Variants in IBA57 observed in about 807,000 individuals in gnomAD.
IBA57 encodes the protein iron-sulfur cluster assembly factor IBA57, mitochondrial.
IBA57 carries 20 observed loss-of-function variants against 20.4 expected under a neutral mutation model. That is an observed-to-expected ratio of 0.98 (90% CI 0.69 to 1.42). The LOEUF (loss-of-function observed/expected upper bound fraction) is 1.42, where lower values mean the gene tolerates loss of function less well. Ranked by LOEUF, IBA57 falls within the 40% of genes most tolerant of loss-of-function variation. IBA57 has a pLI of 0.00. For missense variants in IBA57, 608 were observed against 499.3 expected (o/e 1.22, Z -2.07); for synonymous variants, 310 against 233.9 (o/e 1.33, Z -2.97).
In IBA57 at chr1:228,174,194, T is replaced by TGC. The variant is rs1346588673; in HGVS notation, c.342-497_342-496insCG. Among the ~76,000 whole-genome samples, 60 of 48,128 alleles carry TGC rather than the reference T, an allele frequency of 1.2e-3. 1 individual carries two copies. The highest frequency in any genetic ancestry group is 2.3e-3 in the South Asian group (3 of 1,290). 31.6% of individuals were successfully genotyped at this position (48,128 alleles called of 152,430 possible). On this transcript the variant is annotated intron_variant, in intron 1 of 2. Coordinates refer to ENST00000366711, the MANE Select transcript of IBA57 (RefSeq NM_001010867.4). ...GTGGCTCGCTGTGGGCGTGGCTCGC[T>TGC]GTGGGCGTGGCTCGCTGTGGGCGTG...
At position 228,165,958 on chromosome 1, in the gene IBA57, T is replaced by A. The variant is rs2034843270; in HGVS notation, c.142T>A (p.Trp48Arg). ...PGGDPTAGAA[W>R]ACFRLDGRTL... ...TGGCGACCCAACGGCCGGAGCGGCC[T>A]GGGCCTGCTTCCGGCTGGACGGGCG... The change falls in exon 1 of 3, where the codon TGG (tryptophan) becomes AGG (arginine). Residue 48 changes from tryptophan (W) to arginine (R), a missense_variant. Trp to Arg is a moderately radical substitution (Grantham distance 101, BLOSUM62 -3). Coordinates refer to ENST00000366711, the MANE Select transcript of IBA57 (RefSeq NM_001010867.4). 3 of 1,513,546 alleles carry A rather than the reference T, an allele frequency of 2.0e-6. No individual in the cohort carries two copies. Among genetic ancestry groups the A allele is most frequent in the South Asian group, 1.2e-5 (1 of 81,198 alleles). 93.8% of individuals were successfully genotyped at this position (1,513,546 alleles called of 1,614,324 possible). A position where few individuals can be genotyped will look rare whatever the true frequency, so the allele number is the denominator to read the frequency against.
Position 228,181,358 on chromosome 1 carries a change from G to A in IBA57, c.*5845G>A, listed in dbSNP as rs1030646178. On this transcript the variant is annotated 3_prime_UTR_variant, in exon 3 of 3. Transcript: ENST00000366711. ...CAGACACTTCCTTCACCAATCTCATGGGAGGCCCACTCCTGTGAGCTGCCT... is the reference window on the plus strand; with the variant it reads ...CAGACACTTCCTTCACCAATCTCATAGGAGGCCCACTCCTGTGAGCTGCCT... 6.6e-6 allele frequency: 1 copy of A among 152,246 alleles called. No individual in the cohort carries two copies. Among genetic ancestry groups the A allele is most frequent in the African/African-American group, 2.4e-5 (1 of 41,432 alleles). The allele number at this position is 152,246 out of a possible 1,614,324, so 9.4% of individuals were successfully genotyped here.
chr1:228,175,835 G>C lies in IBA57; in HGVS notation c.*322G>C. On this transcript the variant is annotated 3_prime_UTR_variant, in exon 3 of 3. Transcript: ENST00000366711. ...GAGGACGGGACGGTGTCTCTGGCCA[G>C]CACTGGCAGCTTCCGGGCCTTGTAC... 1 of 249,224 alleles carries C rather than the reference G, an allele frequency of 4.0e-6. No individual in the cohort carries two copies. The highest frequency in any genetic ancestry group is 7.7e-6 in the Non-Finnish European group (1 of 130,462). The allele number at this position is 249,224 out of a possible 1,614,324, so 15.4% of individuals were successfully genotyped here. A position where few individuals can be genotyped will look rare whatever the true frequency, so the allele number is the denominator to read the frequency against.
Position 228,176,937 on chromosome 1 carries a change from C to G in IBA57, c.*1424C>G, listed in dbSNP as rs1022073087. ...AGGAAACAGCTAGGTGGCCCTGACC[C>G]CTGCGGTCCTGAGAGCCGGTGGCCT... On this transcript the variant is annotated 3_prime_UTR_variant, in exon 3 of 3. Coordinates refer to ENST00000366711, the MANE Select transcript of IBA57 (RefSeq NM_001010867.4). 1 of 152,376 alleles carries G rather than the reference C, an allele frequency of 6.6e-6. No individual in the cohort carries two copies. The highest frequency in any genetic ancestry group is 1.5e-5 in the Non-Finnish European group (1 of 68,150). 9.4% of individuals were successfully genotyped at this position (152,376 alleles called of 1,614,324 possible).
rs1419381709 is a variant in IBA57, at chr1:228,166,090, G to T, written c.274G>T (p.Ala92Ser). Residue 92 changes from alanine to serine, a missense_variant, in exon 1 of 3, where the codon GCG becomes TCG. Ala to Ser is a moderately conservative substitution (Grantham distance 99, BLOSUM62 1). Coordinates refer to ENST00000366711, the MANE Select transcript of IBA57 (RefSeq NM_001010867.4). The stretch of plus-strand genomic sequence containing the variant: ...TGCGGCCGCGGGGGCCCCGCCTGCT[G>T]CGCGCGCGGGCTACGCCCACTTCCT... The part of the protein sequence containing the change: ...SPAAAGAPPA[A>S]RAGYAHFLNV... 1.3e-6 allele frequency: 2 copies of T among 1,538,392 alleles called. No homozygotes were observed. The highest frequency in any genetic ancestry group is 2.8e-5 in the African/African-American group (2 of 71,620).
In IBA57 at chr1:228,175,702, G is replaced by C; in HGVS notation, c.*189G>C. 6.4e-6 allele frequency: 4 copies of C among 623,884 alleles called. No individual in the cohort carries two copies. The highest frequency in any genetic ancestry group is 1.0e-5 in the Non-Finnish European group (4 of 389,534). 38.6% of individuals were successfully genotyped at this position (623,884 alleles called of 1,614,324 possible). Reference sequence around the variant, plus strand: ...CATGCTCAGGGGCCCCAGGCACGTGGGTTGTTTTCTCCCTGGACTTCCTGT... The same window carrying C: ...CATGCTCAGGGGCCCCAGGCACGTGCGTTGTTTTCTCCCTGGACTTCCTGT... On this transcript the variant is annotated 3_prime_UTR_variant, in exon 3 of 3. Transcript: ENST00000366711.
chr1:228,170,162 C>T lies in IBA57; in HGVS notation c.341+4005C>T, dbSNP rs143042766. ...GGGATTACAGGCGTGAGCCACGGCG[C>T]CCGGCCGACAGCTAATTTCTTTTAG... On this transcript the variant is annotated intron_variant, in intron 1 of 2. Transcript: ENST00000366711. The surrounding 1 kb of genome is among the most constrained non-coding windows in gnomAD (Gnocchi z 4.8). 0.015 allele frequency among the ~76,000 whole-genome samples: 2,329 copies of T among 152,302 alleles called. 79 individuals are homozygous for T. Among genetic ancestry groups the T allele is most frequent in the African/African-American group, 0.053 (2,203 of 41,550 alleles).
At chr1:228,167,328 C>T (rs911619481) in intron 1 of IBA57, among the ~76,000 whole-genome samples, 21 of 150,892 alleles carry the variant, frequency 1.4e-4, no homozygotes, top group Non-Finnish European at 2.9e-5. Flanking sequence ...GAACCCCACC[C>T]GTTGGATTCC....
intron 1 of IBA57, 118 bp from the exon 2 acceptor site, chr1:228,174,574 C>T (rs1328982003): frequency 1.0e-6 from 1 of 952,962 alleles, no homozygotes; most frequent in South Asian, 1.9e-5. Flanking sequence ...GAGGGCAGAG[C>T]TCTTTGCGTT....
rs2035010648 is a variant in IBA57, at chr1:228,175,850, G to A, written c.*337G>A. 2 of 225,636 alleles carry A rather than the reference G, an allele frequency of 8.9e-6. No individual in the cohort carries two copies. Among genetic ancestry groups the A allele is most frequent in the East Asian group, 1.0e-4 (1 of 9,894 alleles). 14.0% of individuals were successfully genotyped at this position (225,636 alleles called of 1,614,324 possible). On this transcript the variant is annotated 3_prime_UTR_variant, in exon 3 of 3. Transcript: ENST00000366711. ...TCTCTGGCCAGCACTGGCAGCTTCC[G>A]GGCCTTGTACCCCACTCTGCCTGGC...
intron 1 of IBA57, 104 bp from the exon 2 acceptor site, chr1:228,174,588 C>T (rs944548498): frequency 1.8e-6 from 2 of 1,114,710 alleles, no homozygotes; most frequent in Non-Finnish European, 2.5e-6. Context: ...TTGCGTTGGT[C>T]CACGGTGTGC....
chr1:228,171,993 G>A (rs756275839), intron 1 of IBA57: 1 of 152,112 alleles, frequency 6.6e-6, no homozygotes, highest in Non-Finnish European at 1.5e-5. Context: ...GCTGATGTCA[G>A]ATGGCTGGGA....
intron 1 of IBA57, 115 bp downstream of exon 1, chr1:228,166,272 C>T (rs1164416008): frequency 3.0e-6 from 2 of 663,106 alleles, no homozygotes; most frequent in Non-Finnish European, 4.5e-6. Context: ...GGGGTGGGCA[C>T]CCGGGGAGGG....
chr1:228,166,211 G>A (rs2034850819), intron 1 of IBA57, 54 bp downstream of exon 1: 3 of 1,328,486 alleles, frequency 2.3e-6, no homozygotes, highest in Non-Finnish European at 2.9e-6. Context: ...GAGTGGCCAG[G>A]GACCGGCACC....
chr1:228,180,711 AAC>A lies in IBA57; in HGVS notation c.*5202_*5203del, dbSNP rs901728857. The A allele has an allele frequency of 3.3e-5, 5 of 151,810 alleles. No homozygotes were observed. Among genetic ancestry groups the A allele is most frequent in the African/African-American group, 7.3e-5 (3 of 41,280 alleles). 9.4% of individuals were successfully genotyped at this position (151,810 alleles called of 1,614,324 possible). A position where few individuals can be genotyped will look rare whatever the true frequency, so the allele number is the denominator to read the frequency against. On this transcript the variant is annotated 3_prime_UTR_variant, in exon 3 of 3. Transcript: ENST00000366711. ...GCCCAGGCTGGAGTGGAGTGGCATA[AAC>A]ACAGCTCACTACAGCCTCAACCTTC...
rs2035087001 is a variant in IBA57, at chr1:228,180,185, GA to G, written c.*4673del. ...AAAAAAAAAAAAAAAAAAAAAAAAA[GA>G]GGGCTAAACGCATTTTCATACCACG... is the stretch of plus-strand genomic sequence containing the variant. On this transcript the variant is annotated 3_prime_UTR_variant, in exon 3 of 3. Transcript: ENST00000366711. 8.7e-6 allele frequency: 1 copy of G among 115,312 alleles called. No individual in the cohort carries two copies. Among genetic ancestry groups the G allele is most frequent in the African/African-American group, 3.1e-5 (1 of 31,760 alleles). 7.1% of individuals were successfully genotyped at this position (115,312 alleles called of 1,614,324 possible).
At position 228,179,016 on chromosome 1, in the gene IBA57, C is replaced by G. The variant is rs926587889; in HGVS notation, c.*3503C>G. The stretch of plus-strand genomic sequence containing the variant: ...CTGGTGAGGCTGCATTGCGGAGGCG[C>G]GCACACCCAGCTGGGCCCTTATCTG... On this transcript the variant is annotated 3_prime_UTR_variant, in exon 3 of 3. Transcript: ENST00000366711. 2 of 151,862 alleles carry G rather than the reference C, an allele frequency of 1.3e-5. No homozygotes were observed. The highest frequency in any genetic ancestry group is 4.8e-5 in the African/African-American group (2 of 41,294). The allele number at this position is 151,862 out of a possible 1,614,324, so 9.4% of individuals were successfully genotyped here.
At chr1:228,169,368 CCTT>C (rs912668909) in intron 1 of IBA57, among the ~76,000 whole-genome samples, 2 of 152,186 alleles carry the variant, frequency 1.3e-5, no homozygotes, top group Admixed American at 1.3e-4. Context: ...GAATGTAGCA[CCTT>C]CTTTCAGATG....
At position 228,174,753 on chromosome 1, in the gene IBA57, G is replaced by A. The variant is rs1467090161; in HGVS notation, c.403G>A (p.Ala135Thr). Residue 135 changes from alanine (A) to threonine (T), a missense_variant, in exon 2 of 3, where the codon GCG becomes ACG. By Grantham distance (58) the Ala-to-Thr change is moderately conservative. Transcript: ENST00000366711. ...GGAGTGTGACAGCTCGGTGCAGGGC[G>A]CGCTGCAGAAGCACCTCGCGCTATA... ...LLECDSSVQGALQKHLALYRI... is the reference protein window; with the variant it reads ...LLECDSSVQGTLQKHLALYRI... The A allele has an allele frequency of 1.9e-6, 3 of 1,607,402 alleles. No individual in the cohort carries two copies. The highest frequency in any genetic ancestry group is 1.1e-5 in the South Asian group (1 of 90,806).
Sources: allele counts gnomAD v4.1 joint callset (sites outside exome capture counted in the v4.1 genomes callset), GRCh38; gene constraint gnomAD v4.1.1; non-coding constraint Gnocchi (gnomAD v3.1); transcripts MANE v1.5; gene names NCBI Gene and HGNC (gene_info 2026-07-23, HGNC 2026-07-21).